Variants in NUAK2 observed in about 807,000 individuals in gnomAD.
NUAK2 encodes NUAK family SNF1-like kinase 2.
Under a neutral mutation model 29.8 loss-of-function variants are expected in NUAK2, and 20 were observed. The ratio of observed to expected loss-of-function variants is 0.67; its 90% CI spans 0.47 to 0.98. The LOEUF is 0.98. Among genes scored for constraint, NUAK2 ranks in the 50% least tolerant of loss-of-function variants. The pLI is 0.00. For missense variants in NUAK2, 719 were observed against 834.5 expected (o/e 0.86, Z 1.71); for synonymous variants, 331 against 342.6 (o/e 0.97, Z 0.37).
Position 205,305,329 on chromosome 1 carries a change from C to T in NUAK2, c.693G>A (p.Val231=), listed in dbSNP as rs148142983. Residue 231 remains valine (V), a splice_region_variant and synonymous_variant, in exon 6 of 7, where the codon GTG becomes GTA. Coordinates refer to ENST00000367157, the MANE Select transcript of NUAK2 (RefSeq NM_030952.3). The part of the protein sequence containing the change: ...VNGKPYTGPE[V]DSWSLGVLLY... ...GGAGAACACCCAGGGACCAGCTGTC[C>T]ACCTGAGAGAGATGGGGGAGGTCAG... The T allele has an allele frequency of 3.2e-5, 51 of 1,613,184 alleles. No individual in the cohort carries two copies. Among genetic ancestry groups the T allele is most frequent in the Non-Finnish European group, 4.1e-5 (48 of 1,179,692 alleles).
chr1:205,317,204 C>T (rs531937792), intron 1 of NUAK2, among the ~76,000 whole-genome samples: 69 of 152,260 alleles, frequency 4.5e-4, no homozygotes, highest in Non-Finnish European at 7.8e-4. Flanking sequence ...AGATCAGGAA[C>T]GATCTGGATT....
Position 205,308,569 on chromosome 1 carries a change from G to C in NUAK2, c.504+12C>G. 6.2e-7 allele frequency: 1 copy of C among 1,610,924 alleles called. No homozygotes were observed. Among genetic ancestry groups the C allele is most frequent in the Admixed American group, 1.7e-5 (1 of 59,970 alleles). ...CCCACTGAGAATATGGCTGGAGCAG[G>C]TAGGTGCTCACCTGATGGCAATAGT... is the stretch of plus-strand genomic sequence containing the variant. On this transcript the variant is annotated intron_variant, in intron 3 of 6. Coordinates refer to ENST00000367157, the MANE Select transcript of NUAK2 (RefSeq NM_030952.3). This position sits in a 1 kb window ranked among gnomAD's most constrained non-coding sequence, Gnocchi z 4.1.
chr1:205,317,993 C>T (rs1176005751), intron 1 of NUAK2, among the ~76,000 whole-genome samples: 1 of 152,194 alleles, frequency 6.6e-6, no homozygotes, highest in East Asian at 1.9e-4. Context: ...AGACACTGTG[C>T]TAAGCACTTT....
At chr1:205,318,003 T>A (rs1662353922) in intron 1 of NUAK2, among the ~76,000 whole-genome samples, 2 of 152,232 alleles carry the variant, frequency 1.3e-5, no homozygotes, top group Non-Finnish European at 1.5e-5. Flanking sequence ...CTAAGCACTT[T>A]ACATATGCTA....
In NUAK2 at chr1:205,308,068, C is replaced by T; in HGVS notation, c.570+97G>A. On this transcript the variant is annotated intron_variant, in intron 4 of 6. Coordinates refer to ENST00000367157, the MANE Select transcript of NUAK2 (RefSeq NM_030952.3). The surrounding 1 kb of genome is among the most constrained non-coding windows in gnomAD (Gnocchi z 4.1). ...GAAGGTCAGCCTTGCTCAGCTCCTT[C>T]AGGAATCCACCAAGAGCTTAGAGCT... 1.2e-6 allele frequency: 1 copy of T among 818,428 alleles called. No individual in the cohort carries two copies. The highest frequency in any genetic ancestry group is 2.6e-5 in the East Asian group (1 of 38,362). The allele number at this position is 818,428 out of a possible 1,614,324, so 50.7% of individuals were successfully genotyped here. A position where few individuals can be genotyped will look rare whatever the true frequency, so the allele number is the denominator to read the frequency against.
rs144977455 is a variant in NUAK2, at chr1:205,304,350, G to A, written c.987C>T (p.Arg329=). 163 of 1,610,538 alleles carry A rather than the reference G, an allele frequency of 1.0e-4. No homozygotes were observed. In the African/African-American group the frequency reaches 1.8e-3, roughly 18 times the overall value. ...GCCGGAGCCAGTCAGCCATGGAGGC[G>A]CGGGCAGAGTCACTGCCAGGGTGCC... The part of the protein sequence containing the change: ...EGGHPGSDSA[R]ASMADWLRRS... The change falls in exon 7 of 7, where the codon CGC becomes CGT. Residue 329 remains arginine (R), a synonymous_variant. Transcript: ENST00000367157. The surrounding 1 kb of genome is among the most constrained non-coding windows in gnomAD (Gnocchi z 6.5).
rs1574897954 is a variant in NUAK2, at chr1:205,321,679, G to A, written c.-51C>T. On this transcript the variant is annotated 5_prime_UTR_variant, in exon 1 of 7. Transcript: ENST00000367157. ...GCAGGGGAATCAGTAGGCTGTGCGG[G>A]GAGGGCTGAAGCGCGGGGCACAGGT... 2 of 1,502,868 alleles carry A rather than the reference G, an allele frequency of 1.3e-6. 1 individual carries two copies. The highest frequency in any genetic ancestry group is 2.4e-5 in the South Asian group (2 of 85,106). 93.1% of individuals were successfully genotyped at this position (1,502,868 alleles called of 1,614,324 possible). A position where few individuals can be genotyped will look rare whatever the true frequency, so the allele number is the denominator to read the frequency against.
rs1043754471 is a variant in NUAK2 at position 205,308,321 on chromosome 1, G to A, written c.505-91C>T. The A allele has an allele frequency of 3.0e-6, 3 of 1,008,158 alleles. No homozygotes were observed. The highest frequency in any genetic ancestry group is 3.0e-6 in the Non-Finnish European group (2 of 672,982). The allele number at this position is 1,008,158 out of a possible 1,614,324, so 62.5% of individuals were successfully genotyped here. ...CTGGAGACTGAGGTAAACACAAAGG[G>A]AGCCAAGTGGGCTTGAGCACAGGTA... On this transcript the variant is annotated intron_variant, in intron 3 of 6. Transcript: ENST00000367157. This position sits in a 1 kb window ranked among gnomAD's most constrained non-coding sequence, Gnocchi z 4.1.
chr1:205,305,336 G>T lies in NUAK2; in HGVS notation c.691-5C>A. The T allele has an allele frequency of 6.2e-7, 1 of 1,613,040 alleles. No homozygotes were observed. The highest frequency in any genetic ancestry group is 8.5e-7 in the Non-Finnish European group (1 of 1,179,554). On this transcript the variant is annotated splice_polypyrimidine_tract_variant and splice_region_variant and intron_variant, in intron 5 of 6. Transcript: ENST00000367157. ...ACCCAGGGACCAGCTGTCCACCTGA[G>T]AGAGATGGGGGAGGTCAGCAGGGAT...
rs751572460 is a variant in NUAK2, at chr1:205,303,929, C to A, written c.1408G>T (p.Glu470Ter). The change falls in exon 7 of 7, where the codon GAG (glutamate) becomes TAG (stop). Residue 470 changes from glutamate to a stop codon, truncating the protein, a stop_gained. Transcript: ENST00000367157. LOFTEE classifies it low-confidence loss of function (END_TRUNC). The part of the protein sequence containing the change: ...YSSPEPSESG[E>*]LLDAGDVFVS... ...AACACGTCGCCTGCGTCCAAGAGCTCCCCAGATTCACTGGGCTCGGGAGAG... is the reference window on the plus strand; with the variant it reads ...AACACGTCGCCTGCGTCCAAGAGCTACCCAGATTCACTGGGCTCGGGAGAG... 1 of 1,614,026 alleles carries A rather than the reference C, an allele frequency of 6.2e-7. No homozygotes were observed. The highest frequency in any genetic ancestry group is 1.1e-5 in the South Asian group (1 of 91,090).
chr1:205,306,038 C>T, intron 5 of NUAK2, 150 bp downstream of exon 5: 1 of 1,094,606 alleles, frequency 9.1e-7, no homozygotes, highest in Non-Finnish European at 1.3e-6. Context: ...CCATTCCTGG[C>T]TAGACACCTG....
intron 5 of NUAK2, among the ~76,000 whole-genome samples, chr1:205,305,978 T>C (rs1662174187): frequency 6.6e-6 from 1 of 152,228 alleles, no homozygotes; most frequent in African/African-American, 2.4e-5. Flanking sequence ...CCTCCCAAAG[T>C]GCTGGGATTA....
In NUAK2 at chr1:205,321,534, T is replaced by C. The variant is rs974258050; in HGVS notation, c.95A>G (p.Lys32Arg). 1 of 1,613,946 alleles carries C rather than the reference T, an allele frequency of 6.2e-7. No homozygotes were observed. The highest frequency in any genetic ancestry group is 8.5e-7 in the Non-Finnish European group (1 of 1,179,906). Residue 32 changes from lysine (K) to arginine (R), a missense_variant, in exon 1 of 7, where the codon AAG becomes AGG. Coordinates refer to ENST00000367157, the MANE Select transcript of NUAK2 (RefSeq NM_030952.3). ...CACCGCCTGCTTCTTCATTAGGGGCTTGGGCGACTTGATCAGCCCTTCCGC... is the reference window on the plus strand; with the variant it reads ...CACCGCCTGCTTCTTCATTAGGGGCCTGGGCGACTTGATCAGCCCTTCCGC... ...PLAEGLIKSP[K>R]PLMKKQAVKR... is the part of the protein sequence containing the mutation.
At chr1:205,314,687 A>G (rs73085127) in intron 1 of NUAK2, among the ~76,000 whole-genome samples, 1,531 of 152,350 alleles carry the variant, frequency 0.01, 29 homozygotes, top group African/African-American at 0.035. Context: ...TGAGCTCTTC[A>G]GAGATAAAGG....
Position 205,304,288 on chromosome 1 carries a change from A to C in NUAK2, c.1049T>G (p.Val350Gly). The change falls in exon 7 of 7, where the codon GTG becomes GGG. Residue 350 changes from valine to glycine, a missense_variant. Transcript: ENST00000367157. This position sits in a 1 kb window ranked among gnomAD's most constrained non-coding sequence, Gnocchi z 6.5. ...TGCATGCTGCTTGAAGAAGCTGCAC[A>C]CCTTGGCCCCATTCTCCAGGAGGGG... ...SRPLLENGAK[V>G]CSFFKQHAPG... The C allele has an allele frequency of 1.2e-6, 2 of 1,612,940 alleles. No homozygotes were observed. The highest frequency in any genetic ancestry group is 2.2e-5 in the South Asian group (2 of 90,976).
intron 1 of NUAK2, among the ~76,000 whole-genome samples, chr1:205,317,464 TG>T (rs901915079): frequency 1.3e-5 from 2 of 151,334 alleles, no homozygotes; most frequent in Admixed American, 1.3e-4. Context: ...CTGGGCAGAG[TG>T]GGGGTGGGCC....
At chr1:205,316,468 C>T (rs1448661841) in intron 1 of NUAK2, among the ~76,000 whole-genome samples, 3 of 152,146 alleles carry the variant, frequency 2.0e-5, no homozygotes, top group Admixed American at 1.3e-4. Flanking sequence ...TTCCTTTGCC[C>T]ATAGGAGGAG....
In NUAK2 at chr1:205,303,251, T is replaced by C. The variant is rs2102641779; in HGVS notation, c.*199A>G. ...TAGTATCCTCTTCGTTCAGCAGGGC[T>C]GAAGACAGACACTGAACCCTTGGCG... On this transcript the variant is annotated 3_prime_UTR_variant, in exon 7 of 7. Coordinates refer to ENST00000367157, the MANE Select transcript of NUAK2 (RefSeq NM_030952.3). 1 of 462,902 alleles carries C rather than the reference T, an allele frequency of 2.2e-6. No homozygotes were observed. The highest frequency in any genetic ancestry group is 5.6e-4 in the Middle Eastern group (1 of 1,784). 28.7% of individuals were successfully genotyped at this position (462,902 alleles called of 1,614,324 possible). A position where few individuals can be genotyped will look rare whatever the true frequency, so the allele number is the denominator to read the frequency against.
At chr1:205,315,330 C>G (rs1662311769) in intron 1 of NUAK2, among the ~76,000 whole-genome samples, 1 of 152,196 alleles carries the variant, frequency 6.6e-6, no homozygotes, top group Non-Finnish European at 1.5e-5. Flanking sequence ...AGCAACAGCT[C>G]AGGCCTAGAC....
Sources: allele counts gnomAD v4.1 joint callset (sites outside exome capture counted in the v4.1 genomes callset), GRCh38; gene constraint gnomAD v4.1.1; non-coding constraint Gnocchi (gnomAD v3.1); transcripts MANE v1.5; gene names NCBI Gene and HGNC (gene_info 2026-07-23, HGNC 2026-07-21).